Variants in AKAP11 observed in about 807,000 individuals in gnomAD.
AKAP11 encodes the protein A-kinase anchoring protein 11, also known as A-kinase anchor protein 11.
In AKAP11, 36 loss-of-function variants were observed where a neutral mutation model predicts 146.1. The ratio of observed to expected loss-of-function variants is 0.25; its 90% CI spans 0.19 to 0.33. The LOEUF (loss-of-function observed/expected upper bound fraction) is 0.33. Among genes scored for constraint, AKAP11 ranks in the 10% least tolerant of loss-of-function variants. The pLI is 1.00. For missense variants in AKAP11, 2,201 were observed against 2,197.0 expected, an observed-to-expected ratio of 1.00 and a Z score of -0.04; for synonymous variants, 780 against 786.5, an observed-to-expected ratio of 0.99 and a Z score of 0.14.
At position 42,303,237 on chromosome 13, in the gene AKAP11, A is replaced by G. The variant is rs1360205003; in HGVS notation, c.4491A>G (p.Glu1497=). 5.0e-6 allele frequency: 8 copies of G among 1,614,092 alleles called. No individual in the cohort carries two copies. The highest frequency in any genetic ancestry group is 6.8e-6 in the Non-Finnish European group (8 of 1,180,030). ...TGTTTGAAAAATCTGGATATGAAGAAGATAATGAGTGTCACGTTACACCAG... is the reference window on the plus strand; with the variant it reads ...TGTTTGAAAAATCTGGATATGAAGAGGATAATGAGTGTCACGTTACACCAG... ...SCLFEKSGYE[E]DNECHVTPEL... Residue 1497 remains glutamate, a synonymous_variant, in exon 8 of 13, where the codon GAA becomes GAG. Transcript: ENST00000025301.
At position 42,292,398 on chromosome 13, in the gene AKAP11, A is replaced by G; in HGVS notation, c.65A>G (p.Asp22Gly). The change falls in exon 4 of 13, where the codon GAT becomes GGT. Residue 22 changes from aspartate (D) to glycine (G), a missense_variant. Asp to Gly is a moderately conservative substitution (Grantham distance 94). Around this residue, in one of 3 missense-constraint regions of AKAP11, gnomAD observed 331 missense variants for 347.4 expected, o/e 0.95. Coordinates refer to ENST00000025301, the MANE Select transcript of AKAP11 (RefSeq NM_016248.4). ...TTTCCCCTGCAGAGCTTCAGTGAAGATGTGTTCCAGTCTGTAAAGTCTTTA... is the reference window on the plus strand; with the variant it reads ...TTTCCCCTGCAGAGCTTCAGTGAAGGTGTGTTCCAGTCTGTAAAGTCTTTA... ...KASVRKSFSE[D>G]VFQSVKSLLQ... 6.4e-7 allele frequency: 1 copy of G among 1,567,844 alleles called. No individual in the cohort carries two copies. The highest frequency in any genetic ancestry group is 8.7e-7 in the Non-Finnish European group (1 of 1,147,700).
intron 1 of AKAP11, among the ~76,000 whole-genome samples, chr13:42,285,203 A>G (rs908271165): frequency 2.0e-5 from 3 of 152,086 alleles, no homozygotes; most frequent in Non-Finnish European, 4.4e-5. Flanking sequence ...TAAGCAATTC[A>G]TTTTTTGTCT....
chr13:42,302,229 G>A lies in AKAP11; in HGVS notation c.3483G>A (p.Glu1161=), dbSNP rs1288821848. The A allele has an allele frequency of 6.2e-7, 1 of 1,614,182 alleles. No homozygotes were observed. ...ENEQNTIEKE[E]FMLKLMRSLS... Reference sequence around the variant, plus strand: ...AACAAAATACTATAGAAAAAGAAGAGTTCATGTTGAAACTCATGCGATCTC... The same window carrying A: ...AACAAAATACTATAGAAAAAGAAGAATTCATGTTGAAACTCATGCGATCTC... The change falls in exon 8 of 13, where the codon GAG becomes GAA. Residue 1161 remains glutamate, a synonymous_variant. Coordinates refer to ENST00000025301, the MANE Select transcript of AKAP11 (RefSeq NM_016248.4).
At chr13:42,273,276 A>G (rs147513211) in intron 1 of AKAP11, among the ~76,000 whole-genome samples, 3 of 151,686 alleles carry the variant, frequency 2.0e-5, no homozygotes, top group Admixed American at 6.6e-5. Context: ...GCACAGATAT[A>G]TTTTTTTTAA....
chr13:42,313,122 A>T lies in AKAP11; in HGVS notation c.5349A>T (p.Thr1783=), dbSNP rs766919308. 2 of 1,612,390 alleles carry T rather than the reference A, an allele frequency of 1.2e-6. No homozygotes were observed. Among genetic ancestry groups the T allele is most frequent in the Non-Finnish European group, 1.7e-6 (2 of 1,179,300 alleles). ...ATGAGGACAATTTATCCTTTCCAAC[A>T]TCAGACAGGTTGGTCCAGTCTAGAA... ...DLYEDNLSFP[T]SDSDGPDDKD... The change falls in exon 10 of 13, where the codon ACA becomes ACT. Residue 1783 remains threonine (T), a synonymous_variant. Coordinates refer to ENST00000025301, the MANE Select transcript of AKAP11 (RefSeq NM_016248.4).
In AKAP11 at chr13:42,301,829, C is replaced by CTGT. The variant is rs1330436200; in HGVS notation, c.3084_3086dup (p.Val1029dup). ...CTAGAGACACTGCCATCTTGTCCAG[C>CTGT]TGTGACAGGTCAGAAATCTGACTTG... On this transcript the variant is annotated inframe_insertion, in exon 8 of 13. Coordinates refer to ENST00000025301, the MANE Select transcript of AKAP11 (RefSeq NM_016248.4). 6.2e-7 allele frequency: 1 copy of CTGT among 1,614,040 alleles called. No individual in the cohort carries two copies. Among genetic ancestry groups the CTGT allele is most frequent in the Non-Finnish European group, 8.5e-7 (1 of 1,180,022 alleles).
Position 42,313,939 on chromosome 13 carries a change from A to G in AKAP11, c.5403A>G (p.Glu1801=). 2.5e-6 allele frequency: 4 copies of G among 1,613,480 alleles called. No individual in the cohort carries two copies. The highest frequency in any genetic ancestry group is 3.4e-6 in the Non-Finnish European group (4 of 1,179,544). The change falls in exon 11 of 13, where the codon GAA becomes GAG. Residue 1801 remains glutamate, a splice_region_variant and synonymous_variant. Coordinates refer to ENST00000025301, the MANE Select transcript of AKAP11 (RefSeq NM_016248.4). ...DKDEEHEDEV[E]GLGQDGKTLL... ...ATGAAGAGCATGAGGACGAAGTAGA[A>G]GGTAATTTGATTTGTTTTTCAAAGT...
At position 42,319,267 on chromosome 13, in the gene AKAP11, G is replaced by A; in HGVS notation, c.*39G>A. ...CCAGTATATTTTAGTATTTGTTTGG[G>A]GAGGGGAACAAGCCAATAAAGATGT... On this transcript the variant is annotated 3_prime_UTR_variant, in exon 13 of 13. Transcript: ENST00000025301. 6.3e-7 allele frequency: 1 copy of A among 1,596,986 alleles called. No homozygotes were observed. Among genetic ancestry groups the A allele is most frequent in the Non-Finnish European group, 8.5e-7 (1 of 1,173,286 alleles).
chr13:42,280,009 T>G, intron 1 of AKAP11, among the ~76,000 whole-genome samples: 1 of 152,262 alleles, frequency 6.6e-6, no homozygotes, highest in South Asian at 2.1e-4. Flanking sequence ...AAGGTTTTTC[T>G]ATTCTGGTGG....
chr13:42,308,278 C>T (rs1206814051), intron 8 of AKAP11, among the ~76,000 whole-genome samples, 176 bp from the exon 9 acceptor site: 4 of 152,120 alleles, frequency 2.6e-5, no homozygotes, highest in Non-Finnish European at 2.9e-5. Flanking sequence ...GAAATTAATA[C>T]GCTATCCTAC....
chr13:42,308,030 A>G (rs1402203681), intron 8 of AKAP11, among the ~76,000 whole-genome samples: 1 of 152,252 alleles, frequency 6.6e-6, no homozygotes, highest in East Asian at 1.9e-4. Context: ...GGTTGACAAT[A>G]CTAGAATTTC....
chr13:42,287,425 A>G (rs1453122938), intron 3 of AKAP11, among the ~76,000 whole-genome samples: 1 of 151,994 alleles, frequency 6.6e-6, no homozygotes, highest in African/African-American at 2.4e-5. Context: ...CTGGGACTAC[A>G]GGTGCCCGCC....
intron 4 of AKAP11, among the ~76,000 whole-genome samples, chr13:42,294,587 A>G (rs1018605544): frequency 6.6e-6 from 1 of 152,072 alleles, no homozygotes; most frequent in African/African-American, 2.4e-5. Context: ...TATTTTTAGT[A>G]GAGACGAGGT....
At chr13:42,294,658 C>T (rs1959402438) in intron 4 of AKAP11, among the ~76,000 whole-genome samples, 1 of 152,148 alleles carries the variant, frequency 6.6e-6, no homozygotes, top group South Asian at 2.1e-4. Context: ...ACCTCAGCCT[C>T]CCAAAGTGCT....
chr13:42,301,740 C>T lies in AKAP11; in HGVS notation c.2994C>T (p.Cys998=), dbSNP rs1420694579. ...FPDSQNQLTH[C]SLSAAKDCVP... is the part of the protein sequence containing the mutation. ...ACTCTCAGAATCAGTTAACTCACTG[C>T]TCACTTTCAGCTGCAAAGGATTGTG... Residue 998 remains cysteine (C), a synonymous_variant, in exon 8 of 13, where the codon TGC becomes TGT. Coordinates refer to ENST00000025301, the MANE Select transcript of AKAP11 (RefSeq NM_016248.4). 6.2e-7 allele frequency: 1 copy of T among 1,614,000 alleles called. No homozygotes were observed. Among genetic ancestry groups the T allele is most frequent in the Non-Finnish European group, 8.5e-7 (1 of 1,180,000 alleles).
intron 1 of AKAP11, among the ~76,000 whole-genome samples, chr13:42,272,936 A>G (rs966521482): frequency 6.6e-6 from 1 of 152,218 alleles, no homozygotes; most frequent in African/African-American, 2.4e-5. Context: ...TGACAGTAAA[A>G]GCTAACATTT....
chr13:42,311,922 T>C (rs1381519071), intron 9 of AKAP11, among the ~76,000 whole-genome samples: 1 of 152,190 alleles, frequency 6.6e-6, no homozygotes, highest in African/African-American at 2.4e-5. Context: ...CATCATGATT[T>C]GTGACAGTTT....
At chr13:42,286,198 T>C in intron 2 of AKAP11, 102 bp from the exon 3 acceptor site, 1 of 451,638 alleles carries the variant, frequency 2.2e-6, no homozygotes, top group Non-Finnish European at 3.9e-6. Flanking sequence ...TTCATTTTTA[T>C]TTTTCTTTTA....
At chr13:42,306,193 A>G (rs1263727880) in intron 8 of AKAP11, among the ~76,000 whole-genome samples, 1 of 152,210 alleles carries the variant, frequency 6.6e-6, no homozygotes, top group Non-Finnish European at 1.5e-5. Flanking sequence ...AACATAATAA[A>G]TTGTTAATAA....
Sources: gnomAD v4.1 joint callset for allele counts (sites outside exome capture counted in the v4.1 genomes callset) on GRCh38, gnomAD v4.1.1 for gene constraint, gnomAD v4.1.1 regional missense constraint, MANE v1.5 for transcripts, NCBI Gene and HGNC (gene_info 2026-07-23, HGNC 2026-07-21) for gene names.